Variants in RFTN1 observed in about 807,000 individuals in gnomAD.
RFTN1 encodes raftlin.
RFTN1 carries 26 observed loss-of-function variants against 46.5 expected under a neutral mutation model. That is an observed-to-expected ratio of 0.56 (90% CI 0.41 to 0.78). RFTN1 has a LOEUF of 0.78. RFTN1 is among the 30% of genes least tolerant of loss of function. RFTN1 has a pLI of 0.00. For missense variants in RFTN1, 693 were observed against 718.7 expected (o/e 0.96, Z 0.41); for synonymous variants, 261 against 284.2 (o/e 0.92, Z 0.82).
chr3:16,389,610 C>T (rs375965443), intron 4 of RFTN1, among the ~76,000 whole-genome samples: 7 of 152,268 alleles, frequency 4.6e-5, no homozygotes, highest in Non-Finnish European at 7.4e-5. Flanking sequence ...TTCCACTTCT[C>T]GCCTTCATTT....
In RFTN1 at chr3:16,426,695, GT is replaced by G. The variant is rs2075296485; in HGVS notation, c.332+7155del. Among the ~76,000 whole-genome samples the G allele has an allele frequency of 1.3e-5, 2 of 151,612 alleles. No individual in the cohort carries two copies. Among genetic ancestry groups the G allele is most frequent in the Non-Finnish European group, 2.9e-5 (2 of 67,840 alleles). ...TGTGTGTGTGTGTGTGTGTGTGTGT[GT>G]GTCTGTTCCATTACTTGAGGTCTGT... On this transcript the variant is annotated intron_variant, in intron 3 of 9. Transcript: ENST00000334133. The surrounding 1 kb of genome is among the most constrained non-coding windows in gnomAD (Gnocchi z 5.9).
intron 4 of RFTN1, among the ~76,000 whole-genome samples, chr3:16,403,578 AT>A (rs1268984359): frequency 1.1e-5 from 1 of 94,902 alleles, no homozygotes; most frequent in African/African-American, 5.3e-5. Context: ...ACACACATAT[AT>A]TATATTTTAT....
chr3:16,404,132 A>ATT (rs1281190739), intron 4 of RFTN1, among the ~76,000 whole-genome samples: 7 of 190 alleles, frequency 0.037, 2 homozygotes, highest in Admixed American at 0.2. Context: ...TTTTATATAT[A>ATT]ATATATAATA....
intron 2 of RFTN1, among the ~76,000 whole-genome samples, chr3:16,491,466 C>A (rs1178747715): frequency 6.6e-6 from 1 of 152,138 alleles, no homozygotes; most frequent in African/African-American, 2.4e-5. Flanking sequence ...CGTGGGATAT[C>A]CCCCAGTGTT....
In RFTN1 at chr3:16,443,194, G is replaced by T. The variant is rs1270643850; in HGVS notation, c.146-9157C>A. Reference sequence around the variant, plus strand: ...ACTAGTTTACATTCCCACCAACGGGGTGCAAGGGTTCTCTTATACTTCACA... The same window carrying T: ...ACTAGTTTACATTCCCACCAACGGGTTGCAAGGGTTCTCTTATACTTCACA... On this transcript the variant is annotated intron_variant, in intron 2 of 9. Transcript: ENST00000334133. This position sits in a 1 kb window ranked among gnomAD's most constrained non-coding sequence, Gnocchi z 5.5. Among the ~76,000 whole-genome samples the T allele has an allele frequency of 6.6e-6, 1 of 152,126 alleles. No homozygotes were observed. The highest frequency in any genetic ancestry group is 2.4e-5 in the African/African-American group (1 of 41,410).
In RFTN1 at chr3:16,381,032, G is replaced by A. The variant is rs2073975174; in HGVS notation, c.442-2930C>T. 6.6e-6 allele frequency among the ~76,000 whole-genome samples: 1 copy of A among 152,110 alleles called. No homozygotes were observed. The highest frequency in any genetic ancestry group is 2.4e-5 in the African/African-American group (1 of 41,390). ...GCTTAGGTACCAGGAATGTAAAATA[G>A]GATCCCCAACCCTCAAGAAGATTTG... On this transcript the variant is annotated intron_variant, in intron 4 of 9. Transcript: ENST00000334133. The surrounding 1 kb of genome is among the most constrained non-coding windows in gnomAD (Gnocchi z 4.2).
At chr3:16,438,585 C>CAAAAAAAAAAAAA (rs61019061) in intron 2 of RFTN1, among the ~76,000 whole-genome samples, 3 of 30,444 alleles carry the variant, frequency 9.9e-5, no homozygotes, top group Non-Finnish European at 1.7e-4. Flanking sequence ...AACTCTGTCT[C>CAAAAAAAAAAAAA]AAAAAAAAAA....
At chr3:16,431,808 T>C (rs1026785044) in intron 3 of RFTN1, among the ~76,000 whole-genome samples, 2 of 152,228 alleles carry the variant, frequency 1.3e-5, no homozygotes, top group Non-Finnish European at 2.9e-5. Flanking sequence ...TACTTCTTTA[T>C]GGAAGATCAA....
chr3:16,360,694 A>G (rs954781419), intron 6 of RFTN1, among the ~76,000 whole-genome samples: 1 of 152,238 alleles, frequency 6.6e-6, no homozygotes, highest in Non-Finnish European at 1.5e-5. Context: ...CCCATCTACA[A>G]GCATTACTTA....
chr3:16,409,330 A>C (rs758278473), intron 4 of RFTN1, 45 bp downstream of exon 4: 1 of 1,308,764 alleles, frequency 7.6e-7, no homozygotes, highest in Admixed American at 1.7e-5. Context: ...CACTCAGGGG[A>C]ACACTCGCAA....
At position 16,383,464 on chromosome 3, in the gene RFTN1, T is replaced by C. The variant is rs1224236898; in HGVS notation, c.442-5362A>G. 6.6e-6 allele frequency among the ~76,000 whole-genome samples: 1 copy of C among 152,194 alleles called. No individual in the cohort carries two copies. The highest frequency in any genetic ancestry group is 1.5e-5 in the Non-Finnish European group (1 of 68,034). ...TAATCAGGAATCATGATGTGAAAAA[T>C]ATTTCTTTTTAAAAAAATGTAGTTA... On this transcript the variant is annotated intron_variant, in intron 4 of 9. Coordinates refer to ENST00000334133, the MANE Select transcript of RFTN1 (RefSeq NM_015150.2). This position sits in a 1 kb window ranked among gnomAD's most constrained non-coding sequence, Gnocchi z 4.0.
chr3:16,466,528 G>A lies in RFTN1; in HGVS notation c.145+27197C>T, dbSNP rs938843368. On this transcript the variant is annotated intron_variant, in intron 2 of 9. Transcript: ENST00000334133. The surrounding 1 kb of genome is among the most constrained non-coding windows in gnomAD (Gnocchi z 5.6). Reference sequence around the variant, plus strand: ...TGTTCTTTGATGAACACTTAAGGCCGTTTCAGAGAAGCAGCCATTACACCC... The same window carrying A: ...TGTTCTTTGATGAACACTTAAGGCCATTTCAGAGAAGCAGCCATTACACCC... 6.6e-6 allele frequency among the ~76,000 whole-genome samples: 1 copy of A among 152,156 alleles called. No homozygotes were observed. The highest frequency in any genetic ancestry group is 1.9e-4 in the East Asian group (1 of 5,194).
At position 16,480,311 on chromosome 3, in the gene RFTN1, AG is replaced by A. The variant is rs1165367379; in HGVS notation, c.145+13413del. On this transcript the variant is annotated intron_variant, in intron 2 of 9. Transcript: ENST00000334133. This position sits in a 1 kb window ranked among gnomAD's most constrained non-coding sequence, Gnocchi z 4.3. ...TCTGAGCTTACACTAGGGATGCCCA[AG>A]TGAAATAATCCCTTCCCTCTTTTAA... Among the ~76,000 whole-genome samples the A allele has an allele frequency of 6.6e-6, 1 of 152,230 alleles. No homozygotes were observed. Among genetic ancestry groups the A allele is most frequent in the Non-Finnish European group, 1.5e-5 (1 of 68,040 alleles).
chr3:16,358,429 G>GA (rs1559856140), intron 6 of RFTN1, among the ~76,000 whole-genome samples: 1 of 108,974 alleles, frequency 9.2e-6, no homozygotes, highest in East Asian at 3.2e-4. Flanking sequence ...TTTAGGTGAG[G>GA]GTTTTTTTTT....
rs758770111 is a variant in RFTN1 at position 16,376,886 on chromosome 3, T to G, written c.826+832A>C. ...ACTTGTAAGAGGCTAAATTCAAGAA[T>G]TCGTAAATAAATGGTAATAACAATA... On this transcript the variant is annotated intron_variant, in intron 5 of 9. Coordinates refer to ENST00000334133, the MANE Select transcript of RFTN1 (RefSeq NM_015150.2). The surrounding 1 kb of genome is among the most constrained non-coding windows in gnomAD (Gnocchi z 4.7). Among the ~76,000 whole-genome samples, 1 of 152,092 alleles carries G rather than the reference T, an allele frequency of 6.6e-6. No homozygotes were observed. Among genetic ancestry groups the G allele is most frequent in the Non-Finnish European group, 1.5e-5 (1 of 68,012 alleles).
rs776716142 is a variant in RFTN1 at position 16,489,483 on chromosome 3, A to T, written c.145+4242T>A. 9.9e-5 allele frequency among the ~76,000 whole-genome samples: 15 copies of T among 152,216 alleles called. No individual in the cohort carries two copies. Among genetic ancestry groups the T allele is most frequent in the Non-Finnish European group, 2.2e-4 (15 of 68,034 alleles). On this transcript the variant is annotated intron_variant, in intron 2 of 9. Transcript: ENST00000334133. The surrounding 1 kb of genome is among the most constrained non-coding windows in gnomAD (Gnocchi z 4.0). The stretch of plus-strand genomic sequence containing the variant: ...GGGGTTGGAGGGATAACAAAGGGGC[A>T]TGAGGAAACTTCTGGGGCAATGGAA...
In RFTN1 at chr3:16,414,535, C is replaced by T. The variant is rs576363036; in HGVS notation, c.333-5052G>A. 6.7e-5 allele frequency among the ~76,000 whole-genome samples: 10 copies of T among 149,210 alleles called. No homozygotes were observed. In the South Asian group the frequency reaches 1.3e-3, roughly 19 times the overall value. On this transcript the variant is annotated intron_variant, in intron 3 of 9. Transcript: ENST00000334133. ...GACAGAATTGTTTAAACCTGGGAGGCGGAGGTTGCAGTGAGCCAAGATCAC... is the reference window on the plus strand; with the variant it reads ...GACAGAATTGTTTAAACCTGGGAGGTGGAGGTTGCAGTGAGCCAAGATCAC...
intron 2 of RFTN1, among the ~76,000 whole-genome samples, chr3:16,469,972 A>G (rs2076166926): frequency 6.6e-6 from 1 of 152,208 alleles, no homozygotes; most frequent in African/African-American, 2.4e-5. Flanking sequence ...AGAAAGGGTT[A>G]AGTGACTTGC....
In RFTN1 at chr3:16,341,838, A is replaced by G. The variant is rs949456767; in HGVS notation, c.1147-14962T>C. Among the ~76,000 whole-genome samples the G allele has an allele frequency of 6.6e-6, 1 of 152,248 alleles. No homozygotes were observed. The highest frequency in any genetic ancestry group is 1.5e-5 in the Non-Finnish European group (1 of 68,046). On this transcript the variant is annotated intron_variant, in intron 7 of 9. Coordinates refer to ENST00000334133, the MANE Select transcript of RFTN1 (RefSeq NM_015150.2). This position sits in a 1 kb window ranked among gnomAD's most constrained non-coding sequence, Gnocchi z 4.7. ...AGCATACAGTTACATACAAAAATGT[A>G]TAACAGTTTGAAGAGTATGATACCA...
Sources: gnomAD v4.1 joint callset for allele counts (sites outside exome capture counted in the v4.1 genomes callset) on GRCh38, gnomAD v4.1.1 for gene constraint, Gnocchi (gnomAD v3.1) non-coding constraint, MANE v1.5 for transcripts, NCBI Gene and HGNC (gene_info 2026-07-23, HGNC 2026-07-21) for gene names.